ZNF366: variants seen among roughly 807,000 people sequenced by gnomAD.
The protein encoded by ZNF366 is dendritic cell-specific transcript protein.
ZNF366 carries 20 observed loss-of-function variants against 47.2 expected under a neutral mutation model. That is an observed-to-expected ratio of 0.42 (90% CI 0.30 to 0.62). ZNF366 has a LOEUF of 0.62. Among genes scored for constraint, ZNF366 ranks in the 20% least tolerant of loss-of-function variants. The probability of loss-of-function intolerance (pLI) is 0.16; values close to 1 mark genes in which losing one functional copy is unlikely to be tolerated. For synonymous variants in ZNF366, 421 were observed against 395.1 expected (o/e 1.07, Z -0.78); for missense variants, 987 against 976.3 (o/e 1.01, Z -0.15).
intron 1 of ZNF366, among the ~76,000 whole-genome samples, chr5:72,463,696 C>T (rs753627236): frequency 3.9e-5 from 6 of 152,130 alleles, no homozygotes; most frequent in Non-Finnish European, 7.3e-5. Flanking sequence ...GAGAGTCGTG[C>T]TGCGCTATCA....
At chr5:72,444,494 C>T (rs1742922634) in intron 4 of ZNF366, among the ~76,000 whole-genome samples, 1 of 152,180 alleles carries the variant, frequency 6.6e-6, no homozygotes, top group Non-Finnish European at 1.5e-5. Flanking sequence ...AATTTGGCAA[C>T]ATGCACCAAA....
intron 1 of ZNF366, among the ~76,000 whole-genome samples, chr5:72,473,955 GTCT>G (rs1743620306): frequency 6.6e-6 from 1 of 152,110 alleles, no homozygotes. Context: ...AAAGAGGTTT[GTCT>G]GTGGCTTGAA....
intron 1 of ZNF366, among the ~76,000 whole-genome samples, chr5:72,493,066 C>G (rs1744042901): frequency 6.6e-6 from 1 of 152,190 alleles, no homozygotes; most frequent in South Asian, 2.1e-4. Context: ...AAGCAACTGT[C>G]TTAATTGCCT....
At position 72,460,620 on chromosome 5, in the gene ZNF366, G is replaced by C; in HGVS notation, c.877C>G (p.Leu293Val). Reference protein sequence around the residue: ...CTHCGKLFKQLSHLHTHMLTH... With the variant: ...CTHCGKLFKQVSHLHTHMLTH... Reference sequence around the variant, plus strand: ...AGCATGTGGGTATGCAGGTGGCTGAGCTGCTTGAAGAGCTTCCCGCAGTGC... The same window carrying C: ...AGCATGTGGGTATGCAGGTGGCTGACCTGCTTGAAGAGCTTCCCGCAGTGC... The change falls in exon 2 of 5, where the codon CTC becomes GTC. Residue 293 changes from leucine (L) to valine (V), a missense_variant. Leu to Val is a conservative substitution (Grantham distance 32, BLOSUM62 1). Transcript: ENST00000318442. The C allele has an allele frequency of 6.2e-7, 1 of 1,614,188 alleles. No homozygotes were observed.
intron 1 of ZNF366, among the ~76,000 whole-genome samples, chr5:72,476,197 A>G (rs1445440781): frequency 6.6e-6 from 1 of 152,128 alleles, no homozygotes; most frequent in Non-Finnish European, 1.5e-5. Context: ...TGGCTGGTAC[A>G]TGGTAGGTCA....
At chr5:72,494,934 CT>C (rs1744081701) in intron 1 of ZNF366, among the ~76,000 whole-genome samples, 1 of 152,120 alleles carries the variant, frequency 6.6e-6, no homozygotes, top group Non-Finnish European at 1.5e-5. Flanking sequence ...CTCACTGTAA[CT>C]TAACTGGCTC....
At chr5:72,475,005 G>C (rs1031731409) in intron 1 of ZNF366, among the ~76,000 whole-genome samples, 1 of 152,084 alleles carries the variant, frequency 6.6e-6, no homozygotes, top group Non-Finnish European at 1.5e-5. Flanking sequence ...TTCTGTCCAG[G>C]GTACAGATCT....
At chr5:72,471,626 G>T (rs1743567023) in intron 1 of ZNF366, among the ~76,000 whole-genome samples, 1 of 152,126 alleles carries the variant, frequency 6.6e-6, no homozygotes, top group African/African-American at 2.4e-5. Flanking sequence ...TCAGTGCCTG[G>T]GTGGAAAGGA....
At chr5:72,457,167 A>G (rs1008654484) in intron 2 of ZNF366, among the ~76,000 whole-genome samples, 6 of 152,140 alleles carry the variant, frequency 3.9e-5, no homozygotes, top group African/African-American at 1.2e-4. Context: ...GACCTCCACA[A>G]TGACATGGTT....
At position 72,472,663 on chromosome 5, in the gene ZNF366, A is replaced by G. The variant is rs188673930; in HGVS notation, c.-14-11153T>C. On this transcript the variant is annotated intron_variant, in intron 1 of 4. Transcript: ENST00000318442. ...AGTAATTACAGAATTACACACTGCA[A>G]ATATGATTAATCCAGTTTCTCCATT... is the stretch of plus-strand genomic sequence containing the variant. 3.7e-4 allele frequency: 268 copies of G among 724,060 alleles called. No homozygotes were observed. The African/African-American group carries it at 4.7e-3, about 13-fold the overall frequency. The allele number at this position is 724,060 out of a possible 1,614,324, so 44.9% of individuals were successfully genotyped here.
chr5:72,503,552 C>T (rs1346115628), intron 1 of ZNF366, among the ~76,000 whole-genome samples: 1 of 152,004 alleles, frequency 6.6e-6, no homozygotes, highest in Non-Finnish European at 1.5e-5. Flanking sequence ...CACACACACA[C>T]ACACGCACAC....
intron 2 of ZNF366, among the ~76,000 whole-genome samples, chr5:72,458,033 T>C (rs2112325331): frequency 1.4e-5 from 2 of 147,958 alleles, no homozygotes; most frequent in South Asian, 4.4e-4. Flanking sequence ...TTTTTTTTTT[T>C]TGAGACGGAA....
intron 1 of ZNF366, among the ~76,000 whole-genome samples, chr5:72,482,277 C>A (rs1743804010): frequency 6.6e-6 from 1 of 152,150 alleles, no homozygotes; most frequent in Non-Finnish European, 1.5e-5. Flanking sequence ...ATGTAATGAG[C>A]CAATGAAGTT....
chr5:72,468,534 G>A (rs538412941), intron 1 of ZNF366, among the ~76,000 whole-genome samples: 1 of 152,140 alleles, frequency 6.6e-6, no homozygotes, highest in South Asian at 2.1e-4. Context: ...AAGTTTAGTT[G>A]TGTATTGTTT....
intron 1 of ZNF366, among the ~76,000 whole-genome samples, chr5:72,499,623 T>C (rs1744173518): frequency 6.6e-6 from 1 of 152,038 alleles, no homozygotes; most frequent in Admixed American, 6.6e-5. Flanking sequence ...CCCTTCTTTG[T>C]ACTTAAAAAA....
intron 1 of ZNF366, among the ~76,000 whole-genome samples, chr5:72,506,902 T>A (rs1744330133): frequency 6.6e-6 from 1 of 152,100 alleles, no homozygotes; most frequent in South Asian, 2.1e-4. Context: ...CTGATAAGGC[T>A]CCCAGGACAC....
chr5:72,448,981 G>T (rs1580231033), intron 3 of ZNF366, among the ~76,000 whole-genome samples: 1 of 152,250 alleles, frequency 6.6e-6, no homozygotes, highest in South Asian at 2.1e-4. Flanking sequence ...ACAGGGTGGG[G>T]TTCCAAGCTC....
intron 1 of ZNF366, among the ~76,000 whole-genome samples, chr5:72,484,616 A>G (rs918972004): frequency 1.3e-5 from 2 of 152,144 alleles, no homozygotes; most frequent in African/African-American, 2.4e-5. Flanking sequence ...TCAGTTCACT[A>G]TTGAACTAGT....
rs781100615 is a variant in ZNF366, at chr5:72,461,346, G to T, written c.151C>A (p.Pro51Thr). The T allele has an allele frequency of 6.2e-7, 1 of 1,614,062 alleles. No individual in the cohort carries two copies. The highest frequency in any genetic ancestry group is 1.1e-5 in the South Asian group (1 of 91,064). The change falls in exon 2 of 5, where the codon CCA becomes ACA. Residue 51 changes from proline to threonine, a missense_variant. Transcript: ENST00000318442. Reference protein sequence around the residue: ...RHPFPEALRGPFSQFRYEPPP... With the variant: ...RHPFPEALRGTFSQFRYEPPP... Reference sequence around the variant, plus strand: ...GGTTCATACCGAAACTGGGAAAATGGCCCTCGGAGAGCTTCCGGGAAGGGG... The same window carrying T: ...GGTTCATACCGAAACTGGGAAAATGTCCCTCGGAGAGCTTCCGGGAAGGGG...
Sources: gnomAD v4.1 joint callset for allele counts (sites outside exome capture counted in the v4.1 genomes callset) on GRCh38, gnomAD v4.1.1 for gene constraint, MANE v1.5 for transcripts, NCBI Gene and HGNC (gene_info 2026-07-23, HGNC 2026-07-21) for gene names.